RTCB: variants seen among roughly 807,000 people sequenced by gnomAD.
RTCB encodes RNA-splicing ligase RTCB.
A neutral mutation model predicts 58.2 loss-of-function variants in RTCB; 32 were observed. That is an observed-to-expected ratio of 0.55 (90% CI 0.41 to 0.74). The LOEUF is 0.74. Among genes scored for constraint, RTCB ranks in the 30% least tolerant of loss-of-function variants. The pLI, the probability that RTCB is intolerant of heterozygous loss-of-function variation, is 0.00. For missense variants in RTCB, 523 were observed against 639.0 expected (o/e 0.82, Z 1.96); for synonymous variants, 247 against 218.6 (o/e 1.13, Z -1.15).
At chr22:32,406,816 C>T (rs1232475527) in intron 3 of RTCB, 55 bp from the exon 4 acceptor site, 16 of 1,181,480 alleles carry the variant, frequency 1.4e-5, no homozygotes, top group Non-Finnish European at 2.0e-5. Context: ...ACCCTGGATG[C>T]CCTGATGGAC....
chr22:32,400,274 A>T (rs1190835506), intron 5 of RTCB, among the ~76,000 whole-genome samples: 1 of 152,148 alleles, frequency 6.6e-6, no homozygotes, highest in Non-Finnish European at 1.5e-5. Flanking sequence ...TCCCATCTTC[A>T]CAGAAGTTCT....
intron 7 of RTCB, among the ~76,000 whole-genome samples, chr22:32,396,911 C>G (rs1933254986): frequency 6.6e-6 from 1 of 152,166 alleles, no homozygotes. Context: ...CTTATGAATG[C>G]AAGATGCTGG....
Position 32,400,134 on chromosome 22 carries a change from C to T in RTCB, c.498-375G>A, listed in dbSNP as rs1403070309. On this transcript the variant is annotated intron_variant, in intron 5 of 11. Transcript: ENST00000216038. The stretch of plus-strand genomic sequence containing the variant: ...AAAAACAACAACAACAACTCTGTAA[C>T]CTTAATCAGCTATCACTCTCTAACG... 1.2e-4 allele frequency: 20 copies of T among 167,006 alleles called. No individual in the cohort carries two copies. The Admixed American group carries it at 1.2e-3, about 10-fold the overall frequency. 10.3% of individuals were successfully genotyped at this position (167,006 alleles called of 1,614,324 possible).
rs9609527 is a variant in RTCB at position 32,399,764 on chromosome 22, A to G, written c.498-5T>C. 0.16 allele frequency: 262,199 copies of G among 1,611,622 alleles called. 23,989 individuals are homozygous for G. Among genetic ancestry groups the G allele is most frequent in the Non-Finnish European group, 0.19 (222,760 of 1,178,348 alleles). On this transcript the variant is annotated splice_polypyrimidine_tract_variant and splice_region_variant and intron_variant, in intron 5 of 11. Transcript: ENST00000216038. ...TCCAAGGCCTCCTCCAAGTCTCTGG[A>G]TAAGTATAAAAGGTGCTAGTCATCT...
In RTCB at chr22:32,393,872, G is replaced by C; in HGVS notation, c.1290+20C>G. On this transcript the variant is annotated intron_variant, in intron 10 of 11. Transcript: ENST00000216038. ...CTAAACTGAAGAGAGCATTTCTAAG[G>C]AAGTTTCTGTTTTCCTTACCGCTCC... The C allele has an allele frequency of 3.3e-6, 5 of 1,515,928 alleles. No homozygotes were observed. The highest frequency in any genetic ancestry group is 4.6e-6 in the Non-Finnish European group (5 of 1,090,580). 93.9% of individuals were successfully genotyped at this position (1,515,928 alleles called of 1,614,324 possible).
intron 4 of RTCB, among the ~76,000 whole-genome samples, chr22:32,406,085 G>C (rs1044341861): frequency 1.3e-5 from 2 of 151,892 alleles, no homozygotes; most frequent in Non-Finnish European, 2.9e-5. Context: ...GATTTACAAA[G>C]ATAAAAAAAA....
At chr22:32,403,642 T>C (rs1933374432) in intron 4 of RTCB, among the ~76,000 whole-genome samples, 1 of 152,122 alleles carries the variant, frequency 6.6e-6, no homozygotes, top group Non-Finnish European at 1.5e-5. Context: ...CATAGCTCAC[T>C]GAAGCCTCCA....
chr22:32,405,349 A>G (rs1026802544), intron 4 of RTCB, among the ~76,000 whole-genome samples: 2 of 152,164 alleles, frequency 1.3e-5, no homozygotes, highest in African/African-American at 2.4e-5. Flanking sequence ...CTGCTGGTCT[A>G]TATGATTTCA....
rs1254258950 is a variant in RTCB, at chr22:32,403,108, T to A, written c.341-1205A>T. Among the ~76,000 whole-genome samples the A allele has an allele frequency of 2.6e-5, 4 of 152,088 alleles. No homozygotes were observed. The East Asian group carries it at 7.8e-4, about 30-fold the overall frequency. On this transcript the variant is annotated intron_variant, in intron 4 of 11. Transcript: ENST00000216038. ...AGATGACCGGCAAATAAATGGCAAA[T>A]AAAAACTGTATATATTGGCAGGGTG...
At chr22:32,410,713 TTTTC>T (rs995155118) in intron 1 of RTCB, among the ~76,000 whole-genome samples, 25 of 123,050 alleles carry the variant, frequency 2.0e-4, no homozygotes, top group Non-Finnish European at 3.6e-4. Flanking sequence ...GGTGTTTTCT[TTTTC>T]TTTTCTTTTT....
At chr22:32,408,713 G>T in intron 2 of RTCB, 42 bp downstream of exon 2, 2 of 1,392,392 alleles carry the variant, frequency 1.4e-6, no homozygotes, top group South Asian at 1.2e-5. Context: ...CCACAGGGAA[G>T]GCACTACCGT....
chr22:32,402,834 T>A (rs1306728350), intron 4 of RTCB, among the ~76,000 whole-genome samples: 1 of 152,130 alleles, frequency 6.6e-6, no homozygotes. Flanking sequence ...CAGCCTCGAC[T>A]TCCCGGCTCC....
chr22:32,404,080 T>C (rs1475350991), intron 4 of RTCB, among the ~76,000 whole-genome samples: 1 of 152,250 alleles, frequency 6.6e-6, no homozygotes, highest in African/African-American at 2.4e-5. Context: ...ATTCAGGCTG[T>C]TTCCGTATCT....
intron 1 of RTCB, among the ~76,000 whole-genome samples, chr22:32,411,565 T>C (rs1933525149): frequency 6.6e-6 from 1 of 152,174 alleles, no homozygotes; most frequent in Non-Finnish European, 1.5e-5. Flanking sequence ...CTGCAAGAAA[T>C]GACATCGCTT....
At chr22:32,409,934 C>T (rs958784750) in intron 1 of RTCB, among the ~76,000 whole-genome samples, 5 of 151,998 alleles carry the variant, frequency 3.3e-5, no homozygotes, top group Admixed American at 6.6e-5. Flanking sequence ...TCTCCTGCCT[C>T]AGCCTCCCGA....
At chr22:32,395,823 T>A (rs1334052927) in intron 8 of RTCB, among the ~76,000 whole-genome samples, 2 of 152,020 alleles carry the variant, frequency 1.3e-5, no homozygotes, top group East Asian at 3.9e-4. Flanking sequence ...GCCTCCCGAG[T>A]AGCTGGGACT....
intron 7 of RTCB, among the ~76,000 whole-genome samples, chr22:32,397,155 GTTTCT>G (rs1346377676): frequency 2.0e-5 from 3 of 152,156 alleles, no homozygotes; most frequent in Admixed American, 1.3e-4. Flanking sequence ...TTCTTTAAAA[GTTTCT>G]TTTGTTTTTT....
intron 4 of RTCB, among the ~76,000 whole-genome samples, chr22:32,406,408 C>T (rs1252981599): frequency 6.6e-6 from 1 of 152,024 alleles, no homozygotes; most frequent in Non-Finnish European, 1.5e-5. Flanking sequence ...CTGCAACCTC[C>T]GCCTCCCGGG....
At chr22:32,396,013 GT>G in intron 8 of RTCB, 60 bp downstream of exon 8, 1 of 1,561,590 alleles carries the variant, frequency 6.4e-7, no homozygotes, top group Non-Finnish European at 8.8e-7. Context: ...ACTGCACTAT[GT>G]TTTAAAGCAC....
Sources: gnomAD v4.1 joint callset for allele counts (sites outside exome capture counted in the v4.1 genomes callset) on GRCh38, gnomAD v4.1.1 for gene constraint, MANE v1.5 for transcripts, NCBI Gene and HGNC (gene_info 2026-07-23, HGNC 2026-07-21) for gene names.